CAMTA1: variants seen among roughly 807,000 people sequenced by gnomAD.
CAMTA1 encodes the protein calmodulin binding transcription activator 1.
Under a neutral mutation model 170.9 loss-of-function variants are expected in CAMTA1, and 27 were observed. That is an observed-to-expected ratio of 0.16 (90% confidence interval 0.12 to 0.22). The LOEUF is 0.22. Ranked by LOEUF, CAMTA1 falls within the 10% of genes least tolerant of loss-of-function variation. The pLI, the probability that CAMTA1 is intolerant of heterozygous loss-of-function variation, is 1.00. For synonymous variants in CAMTA1, 833 were observed against 891.5 expected (o/e 0.93, Z 1.17); for missense variants, 1,619 against 2,217.2 (o/e 0.73, Z 5.42).
At chr1:6,880,383 GTTT>G (rs34745856) in intron 3 of CAMTA1, among the ~76,000 whole-genome samples, 3 of 67,198 alleles carry the variant, frequency 4.5e-5, no homozygotes, top group African/African-American at 1.2e-4. Flanking sequence ...CTCTAAAAGT[GTTT>G]TTTTTTTTTT....
At chr1:7,084,021 A>T (rs185034454) in intron 3 of CAMTA1, among the ~76,000 whole-genome samples, 1 of 150,960 alleles carries the variant, frequency 6.6e-6, no homozygotes, top group Admixed American at 6.6e-5. Flanking sequence ...TAAAACCCTT[A>T]TGCAGAACTC....
At position 7,248,661 on chromosome 1, in the gene CAMTA1, T is replaced by C. The variant is rs183707446; in HGVS notation, c.303-830T>C. Among the ~76,000 whole-genome samples the C allele has an allele frequency of 6.6e-6, 1 of 152,242 alleles. No homozygotes were observed. Among genetic ancestry groups the C allele is most frequent in the East Asian group, 1.9e-4 (1 of 5,182 alleles). ...GGTTTCCAAACCCAAATATGTGACC[T>C]GACCACCGCATCTGCAGATATGCAC... On this transcript the variant is annotated intron_variant, in intron 4 of 22. Coordinates refer to ENST00000303635, the MANE Select transcript of CAMTA1 (RefSeq NM_015215.4). This position sits in a 1 kb window ranked among gnomAD's most constrained non-coding sequence, Gnocchi z 4.0.
chr1:7,757,915 A>G (rs544318674), intron 22 of CAMTA1, among the ~76,000 whole-genome samples: 1 of 152,346 alleles, frequency 6.6e-6, no homozygotes, highest in South Asian at 2.1e-4. Flanking sequence ...ATTGTTCTCA[A>G]TTAAAATATT....
chr1:7,690,488 G>A (rs2096298614), intron 11 of CAMTA1, among the ~76,000 whole-genome samples: 1 of 152,228 alleles, frequency 6.6e-6, no homozygotes, highest in African/African-American at 2.4e-5. Flanking sequence ...CCCATTTGGT[G>A]GTCTTGAGAA....
At chr1:7,520,362 A>T (rs2094348721) in intron 6 of CAMTA1, among the ~76,000 whole-genome samples, 2 of 143,866 alleles carry the variant, frequency 1.4e-5, no homozygotes, top group Middle Eastern at 3.4e-3. Flanking sequence ...TGGGGCTGAG[A>T]GTTATTCGAT....
intron 3 of CAMTA1, among the ~76,000 whole-genome samples, chr1:7,055,046 G>A (rs1289854271): frequency 6.6e-6 from 1 of 152,066 alleles, no homozygotes; most frequent in African/African-American, 2.4e-5. Context: ...AAACTCACTC[G>A]CTGTCACAAG....
At chr1:6,952,625 G>A (rs1273314494) in intron 3 of CAMTA1, among the ~76,000 whole-genome samples, 3 of 151,920 alleles carry the variant, frequency 2.0e-5, no homozygotes, top group Non-Finnish European at 2.9e-5. Flanking sequence ...TTGAGGTCAG[G>A]AGTTGGAGAC....
chr1:7,048,513 C>G (rs772449960), intron 3 of CAMTA1, among the ~76,000 whole-genome samples: 10 of 152,178 alleles, frequency 6.6e-5, no homozygotes, highest in Non-Finnish European at 1.2e-4. Flanking sequence ...TGTGGCTACG[C>G]CAGCTGGGCC....
rs1346354044 is a variant in CAMTA1 at position 7,570,903 on chromosome 1, T to TA, written c.511-69495dup. Among the ~76,000 whole-genome samples the TA allele has an allele frequency of 1.2e-4, 19 of 152,208 alleles. No individual in the cohort carries two copies. Among genetic ancestry groups the TA allele is most frequent in the African/African-American group, 4.1e-4 (17 of 41,450 alleles). ...AGCTGGGTGATGTCAGGAGGCTCCT[T>TA]AACCACTCTGAGCCTCAGTTGCCTC... On this transcript the variant is annotated intron_variant, in intron 6 of 22. Transcript: ENST00000303635. This position sits in a 1 kb window ranked among gnomAD's most constrained non-coding sequence, Gnocchi z 4.3.
intron 3 of CAMTA1, among the ~76,000 whole-genome samples, chr1:6,964,636 T>C (rs1691193838): frequency 6.6e-6 from 1 of 152,256 alleles, no homozygotes; most frequent in Non-Finnish European, 1.5e-5. Context: ...CACAGGCTAA[T>C]GTCACAAGTA....
At chr1:7,295,289 C>T (rs1673770470) in intron 5 of CAMTA1, among the ~76,000 whole-genome samples, 1 of 152,180 alleles carries the variant, frequency 6.6e-6, no homozygotes, top group African/African-American at 2.4e-5. Context: ...CCCATTCCGG[C>T]CCTGTCTCCT....
At chr1:7,353,419 T>TTC (rs201177879) in intron 5 of CAMTA1, among the ~76,000 whole-genome samples, 3,081 of 128,058 alleles carry the variant, frequency 0.024, 110 homozygotes, top group African/African-American at 0.085. Flanking sequence ...TCTTTTTTTT[T>TTC]TTTCTTTCTC....
chr1:7,128,361 C>T lies in CAMTA1; in HGVS notation c.302+36990C>T, dbSNP rs56011280. Among the ~76,000 whole-genome samples, 1,177 of 152,314 alleles carry T rather than the reference C, an allele frequency of 7.7e-3. 14 individuals carry two copies. Among genetic ancestry groups the T allele is most frequent in the African/African-American group, 0.027 (1,127 of 41,552 alleles). Reference sequence around the variant, plus strand: ...GGGATGGTCTTGGGGTTCCCCAACACGGGTGGCCAGGGAAGGCCTCCCTGC... The same window carrying T: ...GGGATGGTCTTGGGGTTCCCCAACATGGGTGGCCAGGGAAGGCCTCCCTGC... On this transcript the variant is annotated intron_variant, in intron 4 of 22. Transcript: ENST00000303635.
At position 7,501,058 on chromosome 1, in the gene CAMTA1, C is replaced by T. The variant is rs150693553; in HGVS notation, c.510+33157C>T. Among the ~76,000 whole-genome samples, 411 of 152,276 alleles carry T rather than the reference C, an allele frequency of 2.7e-3. 10 individuals are homozygous for T. Among genetic ancestry groups the T allele is most frequent in the Admixed American group, 0.024 (363 of 15,296 alleles). ...GAAAGCAAGCACAGATCCTCGGAAGCGGTTACCACCCACCTGTGCCACGCG... is the reference window on the plus strand; with the variant it reads ...GAAAGCAAGCACAGATCCTCGGAAGTGGTTACCACCCACCTGTGCCACGCG... On this transcript the variant is annotated intron_variant, in intron 6 of 22. Coordinates refer to ENST00000303635, the MANE Select transcript of CAMTA1 (RefSeq NM_015215.4).
intron 3 of CAMTA1, among the ~76,000 whole-genome samples, chr1:6,904,010 C>T (rs942088688): frequency 6.6e-6 from 1 of 152,242 alleles, no homozygotes; most frequent in African/African-American, 2.4e-5. Context: ...GTTCAAACGA[C>T]ATATCCAGAT....
chr1:7,645,652 C>T (rs1306721947), intron 7 of CAMTA1, among the ~76,000 whole-genome samples: 3 of 152,244 alleles, frequency 2.0e-5, no homozygotes, highest in Admixed American at 6.5e-5. Context: ...CTCCCCCAGC[C>T]GCCTCGGGGT....
chr1:7,704,401 T>G, intron 11 of CAMTA1, among the ~76,000 whole-genome samples: 1 of 145,390 alleles, frequency 6.9e-6, no homozygotes, highest in African/African-American at 2.5e-5. Context: ...CGCCGCCCCA[T>G]TCGCGGGCCG....
chr1:7,018,415 G>GGA (rs1239712147), intron 3 of CAMTA1, among the ~76,000 whole-genome samples: 1 of 152,116 alleles, frequency 6.6e-6, no homozygotes, highest in Non-Finnish European at 1.5e-5. Flanking sequence ...CTTGCCTTGA[G>GGA]GAGAGACACC....
At chr1:7,703,421 T>C (rs1290667493) in intron 11 of CAMTA1, among the ~76,000 whole-genome samples, 4 of 152,018 alleles carry the variant, frequency 2.6e-5, no homozygotes, top group Non-Finnish European at 1.5e-5. Context: ...CTTGCTCAGG[T>C]TTACAGTGGG....
Sources: gnomAD v4.1 joint callset for allele counts (sites outside exome capture counted in the v4.1 genomes callset) on GRCh38, gnomAD v4.1.1 for gene constraint, Gnocchi (gnomAD v3.1) non-coding constraint, MANE v1.5 for transcripts, NCBI Gene and HGNC (gene_info 2026-07-23, HGNC 2026-07-21) for gene names.